The following WDR20 variants were observed in gnomAD, a reference collection of about 807,000 sequenced individuals.
WDR20 encodes WD repeat-containing protein 20.
In WDR20, 3 loss-of-function variants were observed where a neutral mutation model predicts 38.7. That is an observed-to-expected ratio of 0.08 (90% CI 0.04 to 0.20). WDR20 has a LOEUF of 0.20. WDR20 is among the 10% of genes least tolerant of loss of function. The pLI is 1.00. For missense variants in WDR20, 559 were observed against 727.7 expected, an observed-to-expected ratio of 0.77 and a Z score of 2.67; for synonymous variants, 298 against 285.6, an observed-to-expected ratio of 1.04 and a Z score of -0.44.
At chr14:102,197,969 C>G (rs994028930) in intron 2 of WDR20, 6 of 569,614 alleles carry the variant, frequency 1.1e-5, no homozygotes, top group African/African-American at 7.4e-5. Flanking sequence ...CTCCTGTGAC[C>G]CCTCTCAGGA....
chr14:102,140,717 A>G (rs908896666), intron 1 of WDR20, among the ~76,000 whole-genome samples: 1 of 152,198 alleles, frequency 6.6e-6, no homozygotes, highest in African/African-American at 2.4e-5. Flanking sequence ...GACACTTCCT[A>G]GGAGCCTCTC....
At chr14:102,205,114 C>T (rs1825905782) in intron 2 of WDR20, among the ~76,000 whole-genome samples, 1 of 152,126 alleles carries the variant, frequency 6.6e-6, no homozygotes, top group African/African-American at 2.4e-5. Flanking sequence ...TTTTAATCAG[C>T]TGGGTGTGGC....
At chr14:102,211,298 T>TG (rs2062495365), downstream of WDR20, among the ~76,000 whole-genome samples, 1 of 152,232 alleles carries the variant, frequency 6.6e-6, no homozygotes, top group African/African-American at 2.4e-5. This position sits in a 1 kb window ranked among gnomAD's most constrained non-coding sequence, Gnocchi z 4.2. Flanking sequence ...TTCAGCAAAG[T>TG]GAAGACCTGG....
intron 2 of WDR20, among the ~76,000 whole-genome samples, chr14:102,202,660 G>A (rs1316008253): frequency 2.0e-5 from 3 of 152,052 alleles, no homozygotes; most frequent in East Asian, 1.9e-4. Flanking sequence ...GATTACAGGT[G>A]TGAGCCACTG....
downstream of WDR20, among the ~76,000 whole-genome samples, chr14:102,217,715 G>C (rs1402225046): frequency 6.6e-6 from 1 of 152,212 alleles, no homozygotes; most frequent in African/African-American, 2.4e-5. Flanking sequence ...GGTTTGCTTT[G>C]GTTCCTTTCT....
rs2153019804 is a variant in WDR20 at position 102,209,123 on chromosome 14, G to A, written c.953G>A (p.Ser318Asn). ...GTAGCGTTTGACCCTTATACCACTA[G>A]TGTAGAAGAAGGTGACCCTATGGAG... ...SVVAFDPYTT[S>N]VEEGDPMEFS... The change falls in exon 3 of 3, where the codon AGT becomes AAT. Residue 318 changes from serine to asparagine, a missense_variant. By Grantham distance (46) the Ser-to-Asn change is conservative. Coordinates refer to ENST00000342702, the MANE Select transcript of WDR20 (RefSeq NM_144574.4). The surrounding 1 kb of genome is among the most constrained non-coding windows in gnomAD (Gnocchi z 6.0). 3.7e-6 allele frequency: 6 copies of A among 1,614,166 alleles called. No homozygotes were observed. The highest frequency in any genetic ancestry group is 5.1e-6 in the Non-Finnish European group (6 of 1,180,030).
chr14:102,212,882 A>G, downstream of WDR20: 3 of 1,157,314 alleles, frequency 2.6e-6, no homozygotes, highest in Non-Finnish European at 3.2e-6. Context: ...TAATCTGTGG[A>G]ATAAAACACA....
intron 2 of WDR20, among the ~76,000 whole-genome samples, chr14:102,201,202 C>G (rs2060329849): frequency 6.6e-6 from 1 of 152,104 alleles, no homozygotes; most frequent in South Asian, 2.1e-4. Flanking sequence ...TCATCAGAGC[C>G]TTTAGTTGCC....
chr14:102,215,636 TG>T (rs2063130689), downstream of WDR20, among the ~76,000 whole-genome samples: 1 of 152,172 alleles, frequency 6.6e-6, no homozygotes, highest in South Asian at 2.1e-4. Context: ...CCAGGTAGGC[TG>T]CTTTCAGTAG....
intron 1 of WDR20, among the ~76,000 whole-genome samples, chr14:102,172,530 CG>C (rs2061078127): frequency 7.3e-6 from 1 of 136,248 alleles, no homozygotes; most frequent in Admixed American, 7.1e-5. Flanking sequence ...GCTGGCCGGG[CG>C]GGGGGCTGAC....
In WDR20 at chr14:102,207,353, C is replaced by A. The variant is rs2061732162; in HGVS notation, c.433-1250C>A. On this transcript the variant is annotated intron_variant, in intron 2 of 2. Coordinates refer to ENST00000342702, the MANE Select transcript of WDR20 (RefSeq NM_144574.4). This position sits in a 1 kb window ranked among gnomAD's most constrained non-coding sequence, Gnocchi z 5.0. ...GCCGTTCTTTTAAAAATCAAGTCGT[C>A]TTATTTCTGTAATTCTCTGTAAAGA... is the stretch of plus-strand genomic sequence containing the variant. 6.6e-6 allele frequency among the ~76,000 whole-genome samples: 1 copy of A among 152,230 alleles called. No individual in the cohort carries two copies. The highest frequency in any genetic ancestry group is 1.5e-5 in the Non-Finnish European group (1 of 68,044).
At chr14:102,203,977 C>T (rs1360425785) in intron 2 of WDR20, among the ~76,000 whole-genome samples, 1 of 152,160 alleles carries the variant, frequency 6.6e-6, no homozygotes, top group Non-Finnish European at 1.5e-5. Flanking sequence ...CTGTTCTCTT[C>T]CTCTTTTGTC....
chr14:102,209,367 A>G lies in WDR20; in HGVS notation c.1197A>G (p.Thr399=). The G allele has an allele frequency of 6.2e-7, 1 of 1,614,150 alleles. No individual in the cohort carries two copies. The highest frequency in any genetic ancestry group is 8.5e-7 in the Non-Finnish European group (1 of 1,180,034). The change falls in exon 3 of 3, where the codon ACA becomes ACG. Residue 399 remains threonine (T), a synonymous_variant. Transcript: ENST00000342702. The surrounding 1 kb of genome is among the most constrained non-coding windows in gnomAD (Gnocchi z 6.0). ...FPHQPLSRAR[T]HTNVMNATSP... The stretch of plus-strand genomic sequence containing the variant: ...ACCAACCCCTCTCAAGAGCAAGGAC[A>G]CACACAAATGTCATGAATGCCACGA...
Position 102,202,877 on chromosome 14 carries a change from C to T in WDR20, c.433-5726C>T, listed in dbSNP as rs78909758. 6.6e-4 allele frequency among the ~76,000 whole-genome samples: 101 copies of T among 152,248 alleles called. 2 individuals carry two copies. The East Asian group carries it at 0.018, about 28-fold the overall frequency. Reference sequence around the variant, plus strand: ...TTGGAGATCTTAGGATGTTACTATTCGCAGCCAATTTCTGTGACATTCGTG... The same window carrying T: ...TTGGAGATCTTAGGATGTTACTATTTGCAGCCAATTTCTGTGACATTCGTG... On this transcript the variant is annotated intron_variant, in intron 2 of 2. Coordinates refer to ENST00000342702, the MANE Select transcript of WDR20 (RefSeq NM_144574.4).
At chr14:102,215,374 C>T (rs1045182604), downstream of WDR20, among the ~76,000 whole-genome samples, 2 of 152,166 alleles carry the variant, frequency 1.3e-5, no homozygotes, top group South Asian at 2.1e-4. Context: ...CTCACTATCC[C>T]GGATGCTGGA....
intron 2 of WDR20, among the ~76,000 whole-genome samples, chr14:102,202,283 T>C (rs1457455093): frequency 6.6e-6 from 1 of 151,782 alleles, no homozygotes; most frequent in East Asian, 1.9e-4. Flanking sequence ...CTCCTTCCTC[T>C]TCTGCCTGCT....
chr14:102,162,595 TTTTC>T (rs1375770017), intron 1 of WDR20, among the ~76,000 whole-genome samples: 2 of 151,874 alleles, frequency 1.3e-5, no homozygotes, highest in Admixed American at 6.6e-5. Flanking sequence ...CTTTCTTTCT[TTTTC>T]TTTCTTTCTC....
rs2153071853 is a variant in WDR20, at chr14:102,222,270, T to A, written c.1693-560T>A. ...CCCGACCTCGGCCTGGGCCCTGCTG[T>A]CTCTACCTGTGGGGCCTACACATGT... On this transcript the variant is annotated intron_variant, in intron 3 of 3. Transcript: ENST00000335263. This position sits in a 1 kb window ranked among gnomAD's most constrained non-coding sequence, Gnocchi z 4.4. Among the ~76,000 whole-genome samples, 1 of 152,284 alleles carries A rather than the reference T, an allele frequency of 6.6e-6. No homozygotes were observed. Among genetic ancestry groups the A allele is most frequent in the South Asian group, 2.1e-4 (1 of 4,828 alleles).
intron 1 of WDR20, among the ~76,000 whole-genome samples, chr14:102,191,575 C>T (rs1442757118): frequency 6.6e-6 from 1 of 152,138 alleles, no homozygotes; most frequent in East Asian, 1.9e-4. Context: ...GGGTGGGGCT[C>T]CAAAAAGCTC....
Sources: allele counts gnomAD v4.1 joint callset (sites outside exome capture counted in the v4.1 genomes callset), GRCh38; gene constraint gnomAD v4.1.1; non-coding constraint Gnocchi (gnomAD v3.1); transcripts MANE v1.5; gene names NCBI Gene and HGNC (gene_info 2026-07-23, HGNC 2026-07-21).